Variants in UNC13A observed in about 807,000 individuals in gnomAD.
UNC13A encodes the protein unc-13 homolog A, also known as protein unc-13 homolog A.
UNC13A carries 61 observed loss-of-function variants against 219.7 expected under a neutral mutation model. The observed-to-expected ratio is 0.28, with a 90% CI of 0.23 to 0.34. The LOEUF (loss-of-function observed/expected upper bound fraction) is 0.34. Among genes scored for constraint, UNC13A ranks in the 10% least tolerant of loss-of-function variants. UNC13A has a pLI of 1.00. For missense variants in UNC13A, 1,476 were observed against 2,270.3 expected (o/e 0.65, Z 7.11); for synonymous variants, 920 against 884.6 (o/e 1.04, Z -0.71).
chr19:17,634,309 T>TACCCATCCAGCTGTCC (rs2076889624), intron 26 of UNC13A, among the ~76,000 whole-genome samples: 1 of 152,118 alleles, frequency 6.6e-6, no homozygotes, highest in African/African-American at 2.4e-5. Context: ...CCCATCCATT[T>TACCCATCCAGCTGTCC]ACCCATCCAT....
rs1196789835 is a variant in UNC13A, at chr19:17,631,211, C to CCTTCCTTCCTT, written c.3429-472_3429-462dup. ...CCTTCCCTCCCTCCCTCCCTTCCTT[C>CCTTCCTTCCTT]CTTCCTTCCTTCTTCCTTCCTTCCT... On this transcript the variant is annotated intron_variant, in intron 28 of 43. Transcript: ENST00000519716. 6.9e-5 allele frequency among the ~76,000 whole-genome samples: 4 copies of CCTTCCTTCCTT among 57,784 alleles called. No individual in the cohort carries two copies. The East Asian group carries it at 1.0e-3, about 15-fold the overall frequency. 37.9% of individuals were successfully genotyped at this position (57,784 alleles called of 152,430 possible).
Position 17,626,776 on chromosome 19 carries a change from C to A in UNC13A, c.3930G>T (p.Pro1310=), listed in dbSNP as rs747744867. 3 of 1,609,888 alleles carry A rather than the reference C, an allele frequency of 1.9e-6. No homozygotes were observed. In the African/African-American group the frequency reaches 4.0e-5, roughly 22 times the overall value. ...TCTGTTTGACACACTCTTCAATGTG[C>A]GGCTGGAAGCTGGGGACACAGAAGG... ...LSRVFATSFQ[P]HIEECVKQMG... is the part of the protein sequence containing the mutation. Residue 1310 remains proline (P), a synonymous_variant, in exon 34 of 44, where the codon CCG becomes CCT. Coordinates refer to ENST00000519716, the MANE Select transcript of UNC13A (RefSeq NM_001080421.3).
chr19:17,656,781 G>C (rs2079463269), intron 9 of UNC13A, among the ~76,000 whole-genome samples: 1 of 151,394 alleles, frequency 6.6e-6, no homozygotes, highest in Non-Finnish European at 1.5e-5. Flanking sequence ...GAACCCGGGA[G>C]GTGGAGGTTG....
At position 17,674,606 on chromosome 19, in the gene UNC13A, G is replaced by A; in HGVS notation, c.152+51C>T. ...CAGCTCTGCCCTGAGGGGCCAGCGA[G>A]GTGCTGGGCTATGCCAGGGAGTGAG... On this transcript the variant is annotated intron_variant, in intron 3 of 43. Coordinates refer to ENST00000519716, the MANE Select transcript of UNC13A (RefSeq NM_001080421.3). The surrounding 1 kb of genome is among the most constrained non-coding windows in gnomAD (Gnocchi z 5.0). The A allele has an allele frequency of 1.3e-6, 2 of 1,540,096 alleles. No individual in the cohort carries two copies. The highest frequency in any genetic ancestry group is 1.1e-5 in the South Asian group (1 of 89,540).
intron 19 of UNC13A, among the ~76,000 whole-genome samples, chr19:17,644,345 C>T (rs2077001426): frequency 6.7e-6 from 1 of 148,610 alleles, no homozygotes; most frequent in African/African-American, 2.5e-5. Context: ...CGCATCACCA[C>T]ACCCAGCTAT....
intron 24 of UNC13A, 35 bp from the exon 25 acceptor site, chr19:17,639,252 C>A (rs763586830): frequency 9.9e-6 from 16 of 1,612,042 alleles, no homozygotes; most frequent in Non-Finnish European, 8.5e-7. Flanking sequence ...GCGGCCACAG[C>A]TGTGACAGGA....
chr19:17,637,299 ATTT>A (rs35106865), intron 25 of UNC13A, among the ~76,000 whole-genome samples: 3 of 137,312 alleles, frequency 2.2e-5, no homozygotes, highest in African/African-American at 2.7e-5. Context: ...GTCAAGAACA[ATTT>A]TTTTTTTTTT....
intron 23 of UNC13A, 85 bp downstream of exon 23, chr19:17,639,755 C>T: frequency 6.7e-7 from 1 of 1,490,628 alleles, no homozygotes; most frequent in Non-Finnish European, 9.3e-7. Context: ...ATGGGTCCTC[C>T]CATGCACACA....
At chr19:17,669,947 T>C (rs2079749924) in intron 4 of UNC13A, among the ~76,000 whole-genome samples, 1 of 91,070 alleles carries the variant, frequency 1.1e-5, no homozygotes, top group Non-Finnish European at 2.0e-5. Context: ...TCTTTTCTTT[T>C]CTTTTTTTTT....
In UNC13A at chr19:17,645,789, G is replaced by A. The variant is rs373430076; in HGVS notation, c.2241C>T (p.Asp747=). The change falls in exon 19 of 44, where the codon GAC becomes GAT. Residue 747 remains aspartate (D), a synonymous_variant. Coordinates refer to ENST00000519716, the MANE Select transcript of UNC13A (RefSeq NM_001080421.3). ...RIKVRVWDED[D]DIKSRVKQRF... is the part of the protein sequence containing the mutation. ...TCTGTTTCACGCGGGATTTGATGTC[G>A]TCATCCTCGTCCCAGACGCGCACCT... 5.1e-5 allele frequency: 83 copies of A among 1,613,680 alleles called. No homozygotes were observed. Among genetic ancestry groups the A allele is most frequent in the Non-Finnish European group, 6.4e-5 (76 of 1,179,788 alleles).
Position 17,605,782 on chromosome 19 carries a change from T to G in UNC13A, c.*272A>C. 2.5e-6 allele frequency: 1 copy of G among 401,334 alleles called. No individual in the cohort carries two copies. The highest frequency in any genetic ancestry group is 4.4e-6 in the Non-Finnish European group (1 of 227,980). The allele number at this position is 401,334 out of a possible 1,614,324, so 24.9% of individuals were successfully genotyped here. On this transcript the variant is annotated 3_prime_UTR_variant, in exon 44 of 44. Transcript: ENST00000519716. ...AGGTTTCCCCCATCCCAGCTCAAAA[T>G]GCCCCCTAGGTGCTGGGGGCGTGGC...
rs1274227089 is a variant in UNC13A at position 17,618,978 on chromosome 19, T to TA, written c.4273-17dup. 1 of 1,612,596 alleles carries TA rather than the reference T, an allele frequency of 6.2e-7. No homozygotes were observed. The highest frequency in any genetic ancestry group is 1.7e-5 in the Admixed American group (1 of 59,968). On this transcript the variant is annotated splice_polypyrimidine_tract_variant and intron_variant, in intron 38 of 43. Transcript: ENST00000519716. ...TCTGGGTTCCCTGCAGGTAACAACA[T>TA]ACAGCTGGGTGAGGGCAGGGGTGCT...
Position 17,606,313 on chromosome 19 carries a change from T to C in UNC13A, c.4853A>G (p.Gln1618Arg). 6.5e-7 allele frequency: 1 copy of C among 1,549,426 alleles called. No homozygotes were observed. Residue 1618 changes from glutamine (Q) to arginine (R), a missense_variant, in exon 44 of 44, where the codon CAG (glutamine) becomes CGG (arginine). This residue lies in a region of UNC13A where 187 missense variants were observed against 172.3 expected (regional missense o/e 1.09). Coordinates refer to ENST00000519716, the MANE Select transcript of UNC13A (RefSeq NM_001080421.3). ...ADAGPECYEL[Q>R]VCVKDYCFAR... is the part of the protein sequence containing the mutation. Reference sequence around the variant, plus strand: ...GAAGCAGTAGTCCTTGACGCACACCTGCAGCTCATAGCACTCGGGACCCGC... The same window carrying C: ...GAAGCAGTAGTCCTTGACGCACACCCGCAGCTCATAGCACTCGGGACCCGC...
Position 17,631,220 on chromosome 19 carries a change from CTT to C in UNC13A, c.3429-472_3429-471del, listed in dbSNP as rs34456361. Among the ~76,000 whole-genome samples, 145 of 30,244 alleles carry C rather than the reference CTT, an allele frequency of 4.8e-3. 16 individuals carry two copies. Among genetic ancestry groups the C allele is most frequent in the African/African-American group, 0.013 (76 of 5,650 alleles). The allele number at this position is 30,244 out of a possible 152,430, so 19.8% of individuals were successfully genotyped here. On this transcript the variant is annotated intron_variant, in intron 28 of 43. Coordinates refer to ENST00000519716, the MANE Select transcript of UNC13A (RefSeq NM_001080421.3). The stretch of plus-strand genomic sequence containing the variant: ...CCTCCCTCCCTTCCTTCCTTCCTTC[CTT>C]CTTCCTTCCTTCCTTCCTTCCTGGG...
intron 43 of UNC13A, among the ~76,000 whole-genome samples, chr19:17,608,756 T>G (rs2076568672): frequency 6.6e-6 from 1 of 151,826 alleles, no homozygotes; most frequent in African/African-American, 2.4e-5. Flanking sequence ...GACCTCGTGA[T>G]CTGCCCGCCT....
At chr19:17,622,013 TTGTGTGTGTGTC>T (rs1302398216) in intron 36 of UNC13A, 143 bp from the exon 37 acceptor site, 1 of 810,616 alleles carries the variant, frequency 1.2e-6, no homozygotes, top group Non-Finnish European at 2.1e-6. Context: ...GATAGTGTGT[TTGTGTGTGTGTC>T]TGTGTGTGTG....
At chr19:17,623,447 C>T in intron 36 of UNC13A, 95 bp downstream of exon 36, 1 of 863,954 alleles carries the variant, frequency 1.2e-6, no homozygotes, top group South Asian at 1.7e-5. Flanking sequence ...GGAGGGGGCG[C>T]TGGGTGGGTG....
Position 17,647,345 on chromosome 19 carries a change from G to A in UNC13A, c.1964C>T (p.Ala655Val), listed in dbSNP as rs1268381152. Residue 655 changes from alanine (A) to valine (V), a missense_variant, in exon 17 of 44, where the codon GCG becomes GTG. Physicochemically the swap from Ala to Val is moderately conservative, Grantham distance 64 (BLOSUM62 0). Coordinates refer to ENST00000519716, the MANE Select transcript of UNC13A (RefSeq NM_001080421.3). ...GACCGCCTTCATCTGCTGCGTGTGC[G>A]CCGTCTTGGTCACCGCGAAGATCTC... ...IQEIFAVTKT[A>V]HTQQMKAVKQ... is the part of the protein sequence containing the mutation. 2.5e-6 allele frequency: 4 copies of A among 1,612,948 alleles called. No homozygotes were observed. The highest frequency in any genetic ancestry group is 3.3e-5 in the Admixed American group (2 of 59,894).
chr19:17,683,589 T>C (rs1599423246), intron 1 of UNC13A, among the ~76,000 whole-genome samples: 1 of 148,214 alleles, frequency 6.7e-6, no homozygotes, highest in Admixed American at 6.7e-5. Flanking sequence ...ACTTGGAAGG[T>C]GGAGGTTTCA....
Sources: gnomAD v4.1 joint callset for allele counts (sites outside exome capture counted in the v4.1 genomes callset) on GRCh38, gnomAD v4.1.1 for gene constraint, gnomAD v4.1.1 regional missense constraint, Gnocchi (gnomAD v3.1) non-coding constraint, MANE v1.5 for transcripts, NCBI Gene and HGNC (gene_info 2026-07-23, HGNC 2026-07-21) for gene names.